The following DRC7 variants were observed in gnomAD, a reference collection of about 807,000 sequenced individuals.
The protein encoded by DRC7 is coiled-coil domain containing 135.
DRC7 carries 80 observed loss-of-function variants against 104.4 expected under a neutral mutation model. That is an observed-to-expected ratio of 0.77 (90% CI 0.64 to 0.92). The LOEUF is 0.92. Ranked by LOEUF, DRC7 falls within the 40% of genes least tolerant of loss-of-function variation. The pLI, the probability that DRC7 is intolerant of heterozygous loss-of-function variation, is 0.00. For missense variants in DRC7, 1,034 were observed against 1,141.1 expected (o/e 0.91, Z 1.35); for synonymous variants, 405 against 447.3 (o/e 0.91, Z 1.19).
chr16:57,720,027 T>C (rs1380369750), intron 9 of DRC7, among the ~76,000 whole-genome samples: 1 of 152,230 alleles, frequency 6.6e-6, no homozygotes, highest in Non-Finnish European at 1.5e-5. Context: ...ATTCAGCCCG[T>C]AGCAAAAGGT....
rs559192699 is a variant in DRC7, at chr16:57,722,266, C to T, written c.1280-447C>T. ...GCTGTCATGGGAACCCAGAGGGGGG[C>T]GCACCCAGCCCAGCACTGGGGCTAG... On this transcript the variant is annotated intron_variant, in intron 10 of 18. Coordinates refer to ENST00000360716, the MANE Select transcript of DRC7 (RefSeq NM_001289162.2). Among the ~76,000 whole-genome samples, 6 of 152,230 alleles carry T rather than the reference C, an allele frequency of 3.9e-5. No homozygotes were observed. The East Asian group carries it at 9.7e-4, about 25-fold the overall frequency.
At position 57,705,044 on chromosome 16, in the gene DRC7, C is replaced by T; in HGVS notation, c.858+10C>T. ...GGAGGAGCGCCTCATGGTGGGTCCT[C>T]AGCCCTGAATCCCCTGGGCTCAGCT... On this transcript the variant is annotated intron_variant, in intron 7 of 18. Transcript: ENST00000360716. The T allele has an allele frequency of 5.6e-6, 9 of 1,610,466 alleles. No individual in the cohort carries two copies. The highest frequency in any genetic ancestry group is 7.6e-6 in the Non-Finnish European group (9 of 1,179,262).
At chr16:57,716,642 C>T (rs1311470861) in intron 8 of DRC7, among the ~76,000 whole-genome samples, 1 of 152,146 alleles carries the variant, frequency 6.6e-6, no homozygotes, top group Non-Finnish European at 1.5e-5. Context: ...GTGCCCCCCA[C>T]TTCTCTCCCC....
At chr16:57,727,532 T>C in intron 16 of DRC7, 123 bp downstream of exon 16, 1 of 684,306 alleles carries the variant, frequency 1.5e-6, no homozygotes, top group South Asian at 1.7e-5. Flanking sequence ...ATTGATACCA[T>C]GCGGTCATCC....
intron 8 of DRC7, among the ~76,000 whole-genome samples, chr16:57,709,273 C>A (rs1225879229): frequency 1.3e-5 from 2 of 152,056 alleles, no homozygotes; most frequent in African/African-American, 2.4e-5. Flanking sequence ...TGAATGATGG[C>A]CGTTTTGTTT....
At chr16:57,706,760 C>T (rs2048736913) in intron 7 of DRC7, among the ~76,000 whole-genome samples, 3 of 144,702 alleles carry the variant, frequency 2.1e-5, no homozygotes. Flanking sequence ...CACTGTTCTC[C>T]CATCCATCCA....
intron 12 of DRC7, 97 bp downstream of exon 12, chr16:57,723,227 A>T: frequency 7.0e-7 from 1 of 1,419,416 alleles, no homozygotes; most frequent in Non-Finnish European, 9.6e-7. Context: ...ACCAGCATAC[A>T]TATTATACAT....
At position 57,731,311 on chromosome 16, in the gene DRC7, G is replaced by A. The variant is rs761236111; in HGVS notation, c.*53G>A. 64 of 1,428,972 alleles carry A rather than the reference G, an allele frequency of 4.5e-5. No individual in the cohort carries two copies. The African/African-American group carries it at 5.5e-4, about 12-fold the overall frequency. 88.5% of individuals were successfully genotyped at this position (1,428,972 alleles called of 1,614,324 possible). A position where few individuals can be genotyped will look rare whatever the true frequency, so the allele number is the denominator to read the frequency against. ...TGCCAGAGAAAGGAAACCTCTTCCC[G>A]CAGCCTGGCTCCTGTGTTCCCTCTA... On this transcript the variant is annotated 3_prime_UTR_variant, in exon 19 of 19. Transcript: ENST00000360716.
intron 8 of DRC7, among the ~76,000 whole-genome samples, chr16:57,712,448 G>T (rs1405934494): frequency 6.6e-6 from 1 of 152,152 alleles, no homozygotes; most frequent in African/African-American, 2.4e-5. Context: ...TGAGCCCCCA[G>T]CTTGGAAGTC....
chr16:57,705,165 C>T (rs2048699138), intron 7 of DRC7, 131 bp downstream of exon 7: 1 of 1,025,464 alleles, frequency 9.8e-7, no homozygotes, highest in Non-Finnish European at 1.4e-6. Flanking sequence ...ACAATCACCC[C>T]CAACCTCTAC....
chr16:57,721,620 A>G (rs2048903409), intron 9 of DRC7, 47 bp from the exon 10 acceptor site: 1 of 1,466,306 alleles, frequency 6.8e-7, no homozygotes, highest in Non-Finnish European at 9.5e-7. Context: ...CTTCTGCTTC[A>G]ACACCCTGAC....
chr16:57,724,920 G>A (rs2048946888), intron 13 of DRC7, 85 bp downstream of exon 13: 6 of 1,112,448 alleles, frequency 5.4e-6, no homozygotes, highest in Admixed American at 2.1e-5. Context: ...CCCTGGCTCT[G>A]GGGTGGCATT....
intron 7 of DRC7, 66 bp from the exon 8 acceptor site, chr16:57,707,394 A>C: frequency 6.9e-7 from 1 of 1,446,834 alleles, no homozygotes; most frequent in Non-Finnish European, 9.4e-7. Context: ...CCCCAGGGAG[A>C]TGTCTGGGCC....
chr16:57,717,018 T>G (rs1217458353), intron 8 of DRC7, among the ~76,000 whole-genome samples: 1 of 151,388 alleles, frequency 6.6e-6, no homozygotes, highest in African/African-American at 2.4e-5. Flanking sequence ...TTAGCTGGGC[T>G]GTGGTGGCGA....
rs1236787062 is a variant in DRC7, at chr16:57,731,237, G to A, written c.2604G>A (p.Glu868=). The A allele has an allele frequency of 6.2e-7, 1 of 1,613,568 alleles. No homozygotes were observed. ...EKLYKDPRLG[E]LQKIFA Reference sequence around the variant, plus strand: ...TCTACAAGGACCCACGCCTGGGGGAGCTCCAGAAAATATTCGCTTGATGTC... The same window carrying A: ...TCTACAAGGACCCACGCCTGGGGGAACTCCAGAAAATATTCGCTTGATGTC... The change falls in exon 19 of 19, where the codon GAG becomes GAA. Residue 868 remains glutamate (E), a synonymous_variant. Transcript: ENST00000360716.
At chr16:57,727,816 C>G (rs2048989984) in intron 16 of DRC7, among the ~76,000 whole-genome samples, 2 of 152,232 alleles carry the variant, frequency 1.3e-5, no homozygotes, top group African/African-American at 4.8e-5. Context: ...AAGGCCCCGC[C>G]TGGTTTTCAG....
chr16:57,700,005 C>A, intron 4 of DRC7, 140 bp from the exon 5 acceptor site: 2 of 963,738 alleles, frequency 2.1e-6, no homozygotes, highest in Non-Finnish European at 3.0e-6. Flanking sequence ...GGCTGCTCTG[C>A]CACCCCAGGT....
At chr16:57,708,891 G>A (rs2048762002) in intron 8 of DRC7, among the ~76,000 whole-genome samples, 1 of 152,150 alleles carries the variant, frequency 6.6e-6, no homozygotes, top group Admixed American at 6.5e-5. Context: ...CACTTTGGGA[G>A]GCTGAGGAGG....
At chr16:57,722,167 G>T (rs1160239374) in intron 10 of DRC7, among the ~76,000 whole-genome samples, 1 of 152,172 alleles carries the variant, frequency 6.6e-6, no homozygotes, top group Non-Finnish European at 1.5e-5. Context: ...ATATCTGCTG[G>T]TGCCCACCTA....
Sources: gnomAD v4.1 joint callset for allele counts (sites outside exome capture counted in the v4.1 genomes callset) on GRCh38, gnomAD v4.1.1 for gene constraint, MANE v1.5 for transcripts, NCBI Gene and HGNC (gene_info 2026-07-23, HGNC 2026-07-21) for gene names.